Variants in PLXNA4 observed in about 807,000 individuals in gnomAD.
PLXNA4 encodes the protein plexin A4.
In PLXNA4, 44 loss-of-function variants were observed where a neutral mutation model predicts 191.8. The observed-to-expected ratio is 0.23, with a 90% CI of 0.18 to 0.29. The LOEUF is 0.29. Among genes scored for constraint, PLXNA4 ranks in the 10% least tolerant of loss-of-function variants. PLXNA4 has a pLI of 1.00. For missense variants in PLXNA4, 1,800 were observed against 2,488.8 expected (o/e 0.72, Z 5.89); for synonymous variants, 1,082 against 1,009.5 (o/e 1.07, Z -1.36).
In PLXNA4 at chr7:132,345,250, T is replaced by A. The variant is rs562377208; in HGVS notation, c.1372-47028A>T. 6.6e-5 allele frequency among the ~76,000 whole-genome samples: 10 copies of A among 152,348 alleles called. 1 individual carries two copies. In the South Asian group the frequency reaches 2.1e-3, roughly 32 times the overall value. ...GCACACACAACTGCACAAAGTTGGT[T>A]GGCAAACTTTTCTGTTAAATCGACA... On this transcript the variant is annotated intron_variant, in intron 3 of 31. Coordinates refer to ENST00000321063, the MANE Select transcript of PLXNA4 (RefSeq NM_020911.2).
At chr7:132,180,461 G>A in intron 19 of PLXNA4, 125 bp downstream of exon 19, 2 of 1,425,160 alleles carry the variant, frequency 1.4e-6, no homozygotes, top group Non-Finnish European at 1.9e-6. Flanking sequence ...AACTTGGGGT[G>A]TGGGGTAGCT....
At chr7:132,132,436 TG>T in intron 31 of PLXNA4, among the ~76,000 whole-genome samples, 1 of 70,168 alleles carries the variant, frequency 1.4e-5, no homozygotes, top group Admixed American at 2.1e-4. Context: ...TGTTCTGTTC[TG>T]TTCTGTTCTG....
chr7:132,182,034 C>G, intron 17 of PLXNA4, 63 bp downstream of exon 17: 1 of 1,611,760 alleles, frequency 6.2e-7, no homozygotes, highest in Non-Finnish European at 8.5e-7. Flanking sequence ...AAGACCCACA[C>G]CCTTTGGGGA....
At position 132,126,423 on chromosome 7, in the gene PLXNA4, G is replaced by GAGAC. The variant is rs1672079488; in HGVS notation, c.*4052_*4055dup. ...TGGGACAGAGGCTATGTGTGCAGGAGAGACACGGTGGAATGAGGAGGGACA... is the reference window on the plus strand; with the variant it reads ...TGGGACAGAGGCTATGTGTGCAGGAGAGACAGACACGGTGGAATGAGGAGGGACA... On this transcript the variant is annotated 3_prime_UTR_variant, in exon 32 of 32. Transcript: ENST00000321063. 1 of 152,806 alleles carries GAGAC rather than the reference G, an allele frequency of 6.5e-6. No homozygotes were observed. Among genetic ancestry groups the GAGAC allele is most frequent in the Non-Finnish European group, 1.5e-5 (1 of 68,500 alleles). The allele number at this position is 152,806 out of a possible 1,614,324, so 9.5% of individuals were successfully genotyped here. A position where few individuals can be genotyped will look rare whatever the true frequency, so the allele number is the denominator to read the frequency against.
intron 1 of PLXNA4, among the ~76,000 whole-genome samples, chr7:132,563,153 T>C (rs1248211642): frequency 1.6e-3 from 71 of 43,914 alleles, no homozygotes; most frequent in African/African-American, 1.9e-3. Context: ...TCTTCCTCCT[T>C]CTCCTCCTCC....
At chr7:132,494,089 G>A (rs992409903) in intron 2 of PLXNA4, among the ~76,000 whole-genome samples, 1 of 152,126 alleles carries the variant, frequency 6.6e-6, no homozygotes, top group Admixed American at 6.6e-5. Flanking sequence ...TCATTAGATG[G>A]GTCAGATGAC....
At chr7:132,599,958 C>T (rs1585396519) in intron 2 of PLXNA4, among the ~76,000 whole-genome samples, 2 of 152,168 alleles carry the variant, frequency 1.3e-5, no homozygotes, top group African/African-American at 2.4e-5. Flanking sequence ...TGCCTTTTGG[C>T]CTATTAATAC....
intron 4 of PLXNA4, among the ~76,000 whole-genome samples, chr7:132,285,882 AAC>A (rs1452782581): frequency 6.6e-6 from 1 of 152,160 alleles, no homozygotes; most frequent in Non-Finnish European, 1.5e-5. Context: ...AACTTCTACC[AAC>A]ACCTGGCCTG....
At chr7:132,514,351 G>T (rs574253853) in intron 1 of PLXNA4, among the ~76,000 whole-genome samples, 1 of 152,066 alleles carries the variant, frequency 6.6e-6, no homozygotes, top group Non-Finnish European at 1.5e-5. Context: ...GTGCCTGGCC[G>T]GTGAGACTTT....
At chr7:132,261,515 T>C (rs1040868018) in intron 4 of PLXNA4, among the ~76,000 whole-genome samples, 4 of 152,198 alleles carry the variant, frequency 2.6e-5, no homozygotes, top group African/African-American at 7.2e-5. Context: ...GCTGCCAGTG[T>C]CACCAGTTCT....
chr7:132,535,671 T>C (rs1422960013), intron 1 of PLXNA4, among the ~76,000 whole-genome samples: 1 of 151,986 alleles, frequency 6.6e-6, no homozygotes, highest in Non-Finnish European at 1.5e-5. Flanking sequence ...CCCGAGAGAA[T>C]AGAACCCAGG....
chr7:132,496,080 C>T (rs1798001024), intron 2 of PLXNA4, among the ~76,000 whole-genome samples: 1 of 152,224 alleles, frequency 6.6e-6, no homozygotes, highest in African/African-American at 2.4e-5. Flanking sequence ...GGCCCTGCTT[C>T]AGTTATGTGC....
intron 3 of PLXNA4, among the ~76,000 whole-genome samples, chr7:132,484,001 G>T (rs1010081468): frequency 4.6e-5 from 7 of 152,208 alleles, no homozygotes; most frequent in Admixed American, 4.6e-4. Flanking sequence ...GAAGGTGGGT[G>T]GGCCCAAGGG....
At chr7:132,348,548 G>A (rs957870699) in intron 3 of PLXNA4, among the ~76,000 whole-genome samples, 1 of 152,218 alleles carries the variant, frequency 6.6e-6, no homozygotes, top group Non-Finnish European at 1.5e-5. Context: ...ACAGGCTGAG[G>A]TCAATGGAGA....
Position 132,445,149 on chromosome 7 carries a change from C to T in PLXNA4, c.1371+44143G>A, listed in dbSNP as rs538684489. On this transcript the variant is annotated intron_variant, in intron 3 of 31. Transcript: ENST00000321063. ...CAGCCTGGGTGACAGAGCAAGACTC[C>T]ATCTCAGGAAAAAAAAAAAAAAAAA... 1.4e-4 allele frequency among the ~76,000 whole-genome samples: 12 copies of T among 88,288 alleles called. No homozygotes were observed. In the South Asian group the frequency reaches 6.4e-3, roughly 47 times the overall value. 57.9% of individuals were successfully genotyped at this position (88,288 alleles called of 152,430 possible).
chr7:132,301,199 G>A (rs1033740729), intron 3 of PLXNA4, among the ~76,000 whole-genome samples: 3 of 152,070 alleles, frequency 2.0e-5, no homozygotes, highest in Non-Finnish European at 4.4e-5. Flanking sequence ...CCAAAGAAAA[G>A]CATTATTTAT....
At chr7:132,501,896 G>A (rs1327100533) in intron 2 of PLXNA4, among the ~76,000 whole-genome samples, 1 of 152,252 alleles carries the variant, frequency 6.6e-6, no homozygotes, top group Non-Finnish European at 1.5e-5. Context: ...GGGCCATGGT[G>A]TGTATGGCAA....
intron 9 of PLXNA4, among the ~76,000 whole-genome samples, chr7:132,216,876 C>T (rs971395649): frequency 6.6e-5 from 10 of 152,278 alleles, no homozygotes; most frequent in African/African-American, 2.2e-4. Context: ...TGAGGCAAGC[C>T]GTATCTCTGA....
At chr7:132,407,813 A>T (rs577948840) in intron 3 of PLXNA4, among the ~76,000 whole-genome samples, 1 of 152,356 alleles carries the variant, frequency 6.6e-6, no homozygotes, top group Non-Finnish European at 1.5e-5. Context: ...CAGAACATGA[A>T]CTTAGAACAC....
Sources: gnomAD v4.1 joint callset for allele counts (sites outside exome capture counted in the v4.1 genomes callset) on GRCh38, gnomAD v4.1.1 for gene constraint, MANE v1.5 for transcripts, NCBI Gene and HGNC (gene_info 2026-07-23, HGNC 2026-07-21) for gene names.